The following NAALADL2 variants were observed in gnomAD, a reference collection of about 807,000 sequenced individuals.
NAALADL2 encodes inactive N-acetylated-alpha-linked acidic dipeptidase-like protein 2.
Under a neutral mutation model 87.2 loss-of-function variants are expected in NAALADL2, and 76 were observed. The observed-to-expected ratio is 0.87, with a 90% CI of 0.72 to 1.05. NAALADL2 has a LOEUF of 1.05. Ranked by LOEUF, NAALADL2 falls within the 50% of genes least tolerant of loss-of-function variation. The pLI, the probability that NAALADL2 is intolerant of heterozygous loss-of-function variation, is 0.00. For synonymous variants in NAALADL2, 354 were observed against 331.0 expected (o/e 1.07, Z -0.75); for missense variants, 1,089 against 945.8 (o/e 1.15, Z -1.99).
chr3:175,130,723 T>C (rs1261176976), intron 2 of NAALADL2, among the ~76,000 whole-genome samples: 1 of 152,328 alleles, frequency 6.6e-6, no homozygotes, highest in East Asian at 1.9e-4. Context: ...TTGACACATG[T>C]ATGTGTCTAT....
chr3:175,778,601 A>G (rs904706026), intron 13 of NAALADL2, among the ~76,000 whole-genome samples: 9 of 152,324 alleles, frequency 5.9e-5, no homozygotes, highest in African/African-American at 2.2e-4. Flanking sequence ...TAGCATAAGT[A>G]ACACATATAA....
intron 11 of NAALADL2, among the ~76,000 whole-genome samples, chr3:175,732,397 A>G (rs1743894847): frequency 6.6e-6 from 1 of 152,204 alleles, no homozygotes. Context: ...ATTATTAGGC[A>G]TAATAAATGG....
At chr3:174,611,294 A>C (rs1363000005) in intron 2 of NAALADL2, among the ~76,000 whole-genome samples, 1 of 152,152 alleles carries the variant, frequency 6.6e-6, no homozygotes, top group Non-Finnish European at 1.5e-5. Flanking sequence ...GTGCACATGT[A>C]CCCTAAAACT....
chr3:175,034,458 A>G (rs1753168629), intron 1 of NAALADL2, among the ~76,000 whole-genome samples: 1 of 152,106 alleles, frequency 6.6e-6, no homozygotes, highest in South Asian at 2.1e-4. Flanking sequence ...ATCATCTCAA[A>G]TTAGAACTGT....
intron 1 of NAALADL2, among the ~76,000 whole-genome samples, chr3:174,526,861 G>A (rs1178946852): frequency 6.6e-6 from 1 of 151,872 alleles, no homozygotes; most frequent in Non-Finnish European, 1.5e-5. Context: ...ATTTTTATTG[G>A]AGACGGGATT....
At chr3:174,976,734 A>G (rs1744409383) in intron 1 of NAALADL2, among the ~76,000 whole-genome samples, 2 of 152,374 alleles carry the variant, frequency 1.3e-5, no homozygotes, top group East Asian at 3.9e-4. Flanking sequence ...ATAGTAAAGT[A>G]TAGCAAAATA....
At chr3:175,668,433 A>T (rs2149835660) in intron 11 of NAALADL2, among the ~76,000 whole-genome samples, 1 of 152,002 alleles carries the variant, frequency 6.6e-6, no homozygotes, top group East Asian at 1.9e-4. Flanking sequence ...AGATATTTTC[A>T]TTTTTTCAAG....
At chr3:174,609,713 C>T (rs577308450) in intron 2 of NAALADL2, among the ~76,000 whole-genome samples, 1 of 152,096 alleles carries the variant, frequency 6.6e-6, no homozygotes, top group Non-Finnish European at 1.5e-5. Context: ...TAGGAAGAAT[C>T]AATATCGTGA....
intron 5 of NAALADL2, among the ~76,000 whole-genome samples, chr3:175,332,619 T>C (rs1443071246): frequency 1.3e-5 from 2 of 152,250 alleles, no homozygotes; most frequent in African/African-American, 4.8e-5. Context: ...GATTTTTTTC[T>C]AAATTTGTTG....
chr3:175,471,905 A>G, intron 9 of NAALADL2, 147 bp downstream of exon 9: 1 of 717,136 alleles, frequency 1.4e-6, no homozygotes. Context: ...CTGACATTTT[A>G]TCAATATACC....
At chr3:175,358,743 A>G (rs1288831005) in intron 5 of NAALADL2, among the ~76,000 whole-genome samples, 1 of 152,188 alleles carries the variant, frequency 6.6e-6, no homozygotes, top group East Asian at 1.9e-4. Context: ...TGGCAGCCAC[A>G]CATTTTATTG....
At chr3:174,959,626 T>A (rs1272098218) in intron 1 of NAALADL2, among the ~76,000 whole-genome samples, 1 of 152,070 alleles carries the variant, frequency 6.6e-6, no homozygotes, top group South Asian at 2.1e-4. Context: ...AAGATTAACA[T>A]GTTTTTCTGG....
chr3:175,374,992 T>C (rs1465892668), intron 5 of NAALADL2, among the ~76,000 whole-genome samples: 1 of 152,170 alleles, frequency 6.6e-6, no homozygotes, highest in African/African-American at 2.4e-5. Flanking sequence ...AATACATTTT[T>C]TCCCATATAG....
intron 11 of NAALADL2, among the ~76,000 whole-genome samples, chr3:175,647,812 T>C (rs1730219444): frequency 6.6e-6 from 1 of 152,172 alleles, no homozygotes; most frequent in South Asian, 2.1e-4. Flanking sequence ...TCTTTGACAG[T>C]TACTATGGCA....
chr3:175,526,159 A>C (rs148509457), intron 9 of NAALADL2, among the ~76,000 whole-genome samples: 3 of 152,366 alleles, frequency 2.0e-5, no homozygotes, highest in African/African-American at 7.2e-5. Context: ...CTGTTTTTGC[A>C]GTAGCAACTA....
chr3:174,887,554 G>T (rs1730326459), intron 1 of NAALADL2, among the ~76,000 whole-genome samples: 1 of 152,060 alleles, frequency 6.6e-6, no homozygotes, highest in African/African-American at 2.4e-5. Context: ...CAGCAATTTT[G>T]GAATCTGAGG....
rs889314362 is a variant in NAALADL2 at position 174,499,858 on chromosome 3, T to C, written c.-183-50711T>C. Reference sequence around the variant, plus strand: ...AGTAAGTCTTTTAATCAGGTAGAGTTAGCCCAACTGCAAATTTGTTCTTCG... The same window carrying C: ...AGTAAGTCTTTTAATCAGGTAGAGTCAGCCCAACTGCAAATTTGTTCTTCG... On this transcript the variant is annotated intron_variant, in intron 1 of 3. Coordinates refer to the NAALADL2 transcript ENST00000434257. Among the ~76,000 whole-genome samples the C allele has an allele frequency of 7.2e-4, 110 of 152,162 alleles. 1 individual carries two copies. The highest frequency in any genetic ancestry group is 2.8e-4 in the Non-Finnish European group (19 of 67,990).
intron 2 of NAALADL2, among the ~76,000 whole-genome samples, chr3:174,702,794 A>G (rs1729679664): frequency 6.6e-6 from 1 of 152,230 alleles, no homozygotes; most frequent in Non-Finnish European, 1.5e-5. Context: ...TATGTGGTCC[A>G]TCATTTACCA....
chr3:175,777,118 G>A (rs913222848), intron 13 of NAALADL2, among the ~76,000 whole-genome samples: 7 of 151,422 alleles, frequency 4.6e-5, no homozygotes, highest in Non-Finnish European at 8.8e-5. Flanking sequence ...GTCAGTTTGG[G>A]GATTGCTACA....
Sources: gnomAD v4.1 joint callset for allele counts (sites outside exome capture counted in the v4.1 genomes callset) on GRCh38, gnomAD v4.1.1 for gene constraint, MANE v1.5 for transcripts, NCBI Gene and HGNC (gene_info 2026-07-23, HGNC 2026-07-21) for gene names.